Variants in COPG2 observed in about 807,000 individuals in gnomAD.
COPG2 encodes coat protein complex I subunit gamma 2.
COPG2 carries 37 observed loss-of-function variants against 46.3 expected under a neutral mutation model. The observed-to-expected ratio is 0.80, with a 90% CI of 0.61 to 1.05. The LOEUF (loss-of-function observed/expected upper bound fraction) is 1.05. COPG2 is among the 50% of genes least tolerant of loss of function. COPG2 has a pLI of 0.00. For missense variants in COPG2, 427 were observed against 387.8 expected (o/e 1.10, Z -0.85); for synonymous variants, 159 against 129.7 (o/e 1.23, Z -1.53).
At chr7:130,513,635 C>A (rs981272225) in intron 20 of COPG2, among the ~76,000 whole-genome samples, 3 of 151,762 alleles carry the variant, frequency 2.0e-5, no homozygotes, top group Non-Finnish European at 4.4e-5. Context: ...CAAGTGTGAC[C>A]AATAGAGTGA....
intron 5 of COPG2, among the ~76,000 whole-genome samples, chr7:130,636,186 T>G (rs528120273): frequency 1.1e-4 from 16 of 152,334 alleles, no homozygotes; most frequent in African/African-American, 3.6e-4. Context: ...TCCGTTGATT[T>G]GGGGTGGAGA....
At chr7:130,527,616 G>A (rs1295590796) in intron 20 of COPG2, among the ~76,000 whole-genome samples, 4 of 152,080 alleles carry the variant, frequency 2.6e-5, no homozygotes, top group Non-Finnish European at 2.9e-5. Context: ...AGAAGAAACC[G>A]AGCCCAAAAG....
At chr7:130,594,160 G>A (rs1794481857) in intron 9 of COPG2, among the ~76,000 whole-genome samples, 1 of 152,076 alleles carries the variant, frequency 6.6e-6, no homozygotes, top group African/African-American at 2.4e-5. Context: ...ATATCCAAAT[G>A]GATAGTAAAC....
chr7:130,596,676 G>C (rs1554449738), intron 9 of COPG2, among the ~76,000 whole-genome samples: 2 of 152,286 alleles, frequency 1.3e-5, no homozygotes. Context: ...ACTGGCTGGG[G>C]CTGAGGTCCC....
chr7:130,548,058 G>C (rs1793473848), intron 19 of COPG2, among the ~76,000 whole-genome samples: 1 of 152,172 alleles, frequency 6.6e-6, no homozygotes, highest in Non-Finnish European at 1.5e-5. Context: ...TCCTGAGACT[G>C]CTGTCTCAAA....
At chr7:130,534,012 T>C (rs1799854742) in intron 20 of COPG2, among the ~76,000 whole-genome samples, 2 of 151,574 alleles carry the variant, frequency 1.3e-5, no homozygotes, top group South Asian at 2.1e-4. Context: ...GAGTTGAGCT[T>C]TGATAGAGGA....
intron 20 of COPG2, among the ~76,000 whole-genome samples, chr7:130,513,341 ATGTGTG>A (rs1210290028): frequency 3.9e-5 from 2 of 51,548 alleles, no homozygotes; most frequent in African/African-American, 1.1e-4. Context: ...ATATATATAT[ATGTGTG>A]TGTGTGTGTG....
chr7:130,519,471 G>A (rs1199539050), intron 20 of COPG2, among the ~76,000 whole-genome samples: 14 of 152,178 alleles, frequency 9.2e-5, no homozygotes, highest in Admixed American at 8.5e-4. Context: ...GTTGAATAGT[G>A]CTGAATATCA....
At chr7:130,629,588 G>T (rs1453285466) in intron 5 of COPG2, among the ~76,000 whole-genome samples, 5 of 151,914 alleles carry the variant, frequency 3.3e-5, no homozygotes, top group African/African-American at 1.2e-4. Context: ...TAGAGAGGGG[G>T]TTTTGCCAAG....
intron 20 of COPG2, among the ~76,000 whole-genome samples, chr7:130,513,302 AAAAAAAATATATATATATATATAT>A (rs1238070167): frequency 5.2e-5 from 2 of 38,286 alleles, no homozygotes; most frequent in African/African-American, 2.5e-4. Context: ...AAAAAAAAAA[AAAAAAAATATATATATATATATAT>A]ATATATATAT....
chr7:130,649,562 T>A (rs1450671876), intron 5 of COPG2, among the ~76,000 whole-genome samples: 1 of 152,174 alleles, frequency 6.6e-6, no homozygotes, highest in Non-Finnish European at 1.5e-5. Context: ...ATAACAGGGA[T>A]CCCTTTTCCT....
chr7:130,668,453 G>A (rs1489036383), intron 1 of COPG2, among the ~76,000 whole-genome samples, 179 bp downstream of exon 1: 12 of 149,364 alleles, frequency 8.0e-5, no homozygotes, highest in African/African-American at 2.4e-4. Flanking sequence ...GCGCCCGGGG[G>A]AGGGGCTACG....
At chr7:130,570,833 G>C (rs970030919) in intron 9 of COPG2, among the ~76,000 whole-genome samples, 2 of 152,120 alleles carry the variant, frequency 1.3e-5, no homozygotes, top group Non-Finnish European at 2.9e-5. Flanking sequence ...AAACAGCATG[G>C]CACTGGTATA....
rs1794948890 is a variant in COPG2 at position 130,616,372 on chromosome 7, G to C, written c.399+618C>G. 5.3e-5 allele frequency among the ~76,000 whole-genome samples: 8 copies of C among 152,092 alleles called. No individual in the cohort carries two copies. In the South Asian group the frequency reaches 1.7e-3, roughly 32 times the overall value. On this transcript the variant is annotated intron_variant, in intron 6 of 23. Coordinates refer to ENST00000425248, the MANE Select transcript of COPG2 (RefSeq NM_012133.6). ...CCTCCCACATGGCGATGATTATTCTGAAACTTGAGTTCAGCTCACACAGAA... is the reference window on the plus strand; with the variant it reads ...CCTCCCACATGGCGATGATTATTCTCAAACTTGAGTTCAGCTCACACAGAA...
chr7:130,650,816 T>C (rs1269316196), intron 5 of COPG2, among the ~76,000 whole-genome samples: 2 of 152,174 alleles, frequency 1.3e-5, no homozygotes, highest in African/African-American at 4.8e-5. Flanking sequence ...GCCTTGAATA[T>C]GGTACATTGC....
At chr7:130,543,956 A>C (rs1226507609) in intron 20 of COPG2, among the ~76,000 whole-genome samples, 1 of 152,196 alleles carries the variant, frequency 6.6e-6, no homozygotes, top group African/African-American at 2.4e-5. Context: ...TGGGTAAATA[A>C]GGAAATCTCA....
chr7:130,522,832 A>G (rs1309594052), intron 20 of COPG2, among the ~76,000 whole-genome samples: 5 of 152,062 alleles, frequency 3.3e-5, no homozygotes, highest in Non-Finnish European at 7.4e-5. Flanking sequence ...CTTCAAAACA[A>G]TGATCTTCAA....
chr7:130,519,420 G>C (rs1425782532), intron 20 of COPG2, among the ~76,000 whole-genome samples: 3 of 152,186 alleles, frequency 2.0e-5, no homozygotes, highest in Non-Finnish European at 2.9e-5. Context: ...TGAATGGAGG[G>C]TGGAAAGAGA....
chr7:130,655,807 T>C (rs1795838695), intron 4 of COPG2, among the ~76,000 whole-genome samples: 2 of 152,226 alleles, frequency 1.3e-5, no homozygotes, highest in South Asian at 4.1e-4. Flanking sequence ...TGTTATGTCA[T>C]AAATTTTGTT....
Sources: allele counts gnomAD v4.1 joint callset (sites outside exome capture counted in the v4.1 genomes callset), GRCh38; gene constraint gnomAD v4.1.1; transcripts MANE v1.5; gene names NCBI Gene and HGNC (gene_info 2026-07-23, HGNC 2026-07-21).